The following LRRC7 variants were observed in gnomAD, a reference collection of about 807,000 sequenced individuals.
LRRC7 encodes leucine rich repeat containing 7.
Under a neutral mutation model 175.7 loss-of-function variants are expected in LRRC7, and 23 were observed. That is an observed-to-expected ratio of 0.13 (90% CI 0.09 to 0.19). The LOEUF (loss-of-function observed/expected upper bound fraction) is 0.19. LRRC7 is among the 10% of genes least tolerant of loss of function. LRRC7 has a pLI of 1.00. For synonymous variants in LRRC7, 685 were observed against 680.9 expected, an observed-to-expected ratio of 1.01 and a Z score of -0.09; for missense variants, 1,354 against 1,904.7, an observed-to-expected ratio of 0.71 and a Z score of 5.38.
intron 1 of LRRC7, among the ~76,000 whole-genome samples, chr1:69,619,136 T>G (rs1359552606): frequency 6.6e-6 from 1 of 152,126 alleles, no homozygotes; most frequent in East Asian, 1.9e-4. Flanking sequence ...AAAATGTATG[T>G]CCCTTTCATC....
intron 2 of LRRC7, among the ~76,000 whole-genome samples, chr1:69,724,531 A>C (rs1050484692): frequency 3.9e-5 from 6 of 152,240 alleles, no homozygotes; most frequent in African/African-American, 1.4e-4. Flanking sequence ...AATTGGACAA[A>C]TTTATTTTTG....
At chr1:69,937,125 C>A (rs1570727902) in intron 8 of LRRC7, among the ~76,000 whole-genome samples, 1 of 151,952 alleles carries the variant, frequency 6.6e-6, no homozygotes, top group Non-Finnish European at 1.5e-5. Context: ...AATCAAATAG[C>A]CTGTGAATAA....
intron 8 of LRRC7, among the ~76,000 whole-genome samples, chr1:69,950,203 C>T (rs1358208757): frequency 1.3e-5 from 2 of 151,840 alleles, no homozygotes; most frequent in Non-Finnish European, 2.9e-5. Flanking sequence ...GAAAGTACCA[C>T]AGTTAATAGA....
intron 11 of LRRC7, among the ~76,000 whole-genome samples, chr1:69,996,017 C>A (rs2101915738): frequency 6.7e-6 from 1 of 150,020 alleles, no homozygotes; most frequent in Non-Finnish European, 1.5e-5. Context: ...TACAGTCCCA[C>A]CAACAGTGTA....
intron 1 of LRRC7, among the ~76,000 whole-genome samples, chr1:69,584,458 T>A (rs1283634220): frequency 1.3e-5 from 2 of 152,134 alleles, no homozygotes; most frequent in Non-Finnish European, 2.9e-5. Flanking sequence ...AGATATGGAT[T>A]TAAATTTGTT....
At position 69,789,081 on chromosome 1, in the gene LRRC7, G is replaced by T. The variant is rs374329776; in HGVS notation, c.304-2962G>T. On this transcript the variant is annotated intron_variant, in intron 3 of 26. Transcript: ENST00000651989. Reference sequence around the variant, plus strand: ...ATGTATTTTTATTTTCAACTTTTGAGGCTTTTTTCTTTTTGTCAGCTCTTA... The same window carrying T: ...ATGTATTTTTATTTTCAACTTTTGATGCTTTTTTCTTTTTGTCAGCTCTTA... 3.6e-4 allele frequency among the ~76,000 whole-genome samples: 55 copies of T among 152,086 alleles called. No individual in the cohort carries two copies. In the South Asian group the frequency reaches 0.011, roughly 30 times the overall value.
intron 26 of LRRC7, among the ~76,000 whole-genome samples, chr1:70,119,807 C>A (rs985422355): frequency 3.9e-5 from 6 of 152,090 alleles, no homozygotes; most frequent in African/African-American, 1.2e-4. Flanking sequence ...ATTTTTAATT[C>A]ATTGCAATTC....
At chr1:69,720,228 A>C (rs990246788) in intron 2 of LRRC7, among the ~76,000 whole-genome samples, 1 of 151,566 alleles carries the variant, frequency 6.6e-6, no homozygotes, top group Non-Finnish European at 1.5e-5. Context: ...ATAAACAGAT[A>C]CTTCTTGTTA....
chr1:69,887,992 C>T (rs1474822087), intron 7 of LRRC7, among the ~76,000 whole-genome samples: 6 of 123,500 alleles, frequency 4.9e-5, no homozygotes, highest in South Asian at 2.6e-4. Flanking sequence ...TCTCCAGCTG[C>T]GTGTTGGGAG....
chr1:70,036,290 G>A (rs768021727), intron 19 of LRRC7, 58 bp downstream of exon 19: 51 of 1,466,290 alleles, frequency 3.5e-5, no homozygotes, highest in Non-Finnish European at 4.4e-5. Flanking sequence ...ATGATGAATC[G>A]CCAGTTGTAA....
chr1:69,741,822 G>A (rs1668744316), intron 2 of LRRC7, among the ~76,000 whole-genome samples: 1 of 151,878 alleles, frequency 6.6e-6, no homozygotes, highest in Admixed American at 6.6e-5. Flanking sequence ...TTCTTCAGGA[G>A]CCTTCTAATT....
At chr1:70,063,097 A>G (rs190216623) in intron 23 of LRRC7, among the ~76,000 whole-genome samples, 2 of 152,228 alleles carry the variant, frequency 1.3e-5, no homozygotes, top group African/African-American at 4.8e-5. Context: ...CACTGTCACA[A>G]AATCGGGGAT....
In LRRC7 at chr1:69,642,811, CATAGATAG is replaced by C. The variant is rs142950544; in HGVS notation, c.3-35531_3-35524del. On this transcript the variant is annotated intron_variant, in intron 1 of 26. Coordinates refer to ENST00000651989, the MANE Select transcript of LRRC7 (RefSeq NM_001370785.2). ...GAAACAGAACTAATGACAGATGATA[CATAGATAG>C]ATAGATAGATAGATAGATAGATAGA... 2.3e-3 allele frequency among the ~76,000 whole-genome samples: 346 copies of C among 147,292 alleles called. 1 individual carries two copies. Among genetic ancestry groups the C allele is most frequent in the East Asian group, 7.3e-3 (36 of 4,926 alleles).
At chr1:69,939,306 A>T (rs909012641) in intron 8 of LRRC7, among the ~76,000 whole-genome samples, 1 of 151,822 alleles carries the variant, frequency 6.6e-6, no homozygotes, top group African/African-American at 2.4e-5. Flanking sequence ...ACTTCTAAGG[A>T]GGGGCCCCCA....
rs1339377119 is a variant in LRRC7 at position 70,094,897 on chromosome 1, A to G, written c.4545+5078A>G. ...TAAAAAAGGTACATACCATATGCCTATTTCCTGTCAGGTTTTCTCCATGGA... is the reference window on the plus strand; with the variant it reads ...TAAAAAAGGTACATACCATATGCCTGTTTCCTGTCAGGTTTTCTCCATGGA... On this transcript the variant is annotated intron_variant, in intron 25 of 26. Transcript: ENST00000651989. Among the ~76,000 whole-genome samples, 3 of 152,334 alleles carry G rather than the reference A, an allele frequency of 2.0e-5. No individual in the cohort carries two copies. The East Asian group carries it at 5.8e-4, about 29-fold the overall frequency.
chr1:69,857,880 C>A (rs1438538100), intron 7 of LRRC7, among the ~76,000 whole-genome samples: 3 of 152,198 alleles, frequency 2.0e-5, no homozygotes, highest in East Asian at 1.9e-4. Flanking sequence ...GCTACAGTAA[C>A]CAAAACAGCA....
At chr1:70,034,039 AGTACAC>A (rs1288187070) in intron 18 of LRRC7, among the ~76,000 whole-genome samples, 2 of 152,156 alleles carry the variant, frequency 1.3e-5, no homozygotes, top group East Asian at 1.9e-4. Context: ...TGCCCAGAGA[AGTACAC>A]TGACTTGCCC....
intron 3 of LRRC7, among the ~76,000 whole-genome samples, chr1:69,783,631 A>C (rs948055733): frequency 6.6e-6 from 1 of 151,778 alleles, no homozygotes. Flanking sequence ...GAGCGTCTAT[A>C]ATCCCAGCTA....
At chr1:69,955,670 G>A (rs937268507) in intron 8 of LRRC7, among the ~76,000 whole-genome samples, 30 of 152,034 alleles carry the variant, frequency 2.0e-4, no homozygotes, top group African/African-American at 6.7e-4. Flanking sequence ...CAGACATTTG[G>A]TTAAAATTAA....
Sources: allele counts gnomAD v4.1 joint callset (sites outside exome capture counted in the v4.1 genomes callset), GRCh38; gene constraint gnomAD v4.1.1; transcripts MANE v1.5; gene names NCBI Gene and HGNC (gene_info 2026-07-23, HGNC 2026-07-21).